Variants in CD177 observed in about 807,000 individuals in gnomAD.
The protein encoded by CD177 is CD177 antigen.
CD177 carries 41 observed loss-of-function variants against 38.1 expected under a neutral mutation model. The observed-to-expected ratio is 1.07, with a 90% CI of 0.84 to 1.39. CD177 has a LOEUF of 1.39. Ranked by LOEUF, CD177 falls within the 40% of genes most tolerant of loss-of-function variation. CD177 has a pLI of 0.00. For missense variants in CD177, 619 were observed against 523.8 expected (o/e 1.18, Z -1.77); for synonymous variants, 236 against 216.7 (o/e 1.09, Z -0.78).
chr19:43,364,445 A>G (rs1970012883), downstream of CD177, among the ~76,000 whole-genome samples: 1 of 152,120 alleles, frequency 6.6e-6, no homozygotes, highest in South Asian at 2.1e-4. Flanking sequence ...GTAGTTTTCC[A>G]TGGAACAGGG....
chr19:43,360,156 T>A, intron 5 of CD177, 109 bp from the exon 6 acceptor site: 1 of 1,305,842 alleles, frequency 7.7e-7, no homozygotes, highest in Non-Finnish European at 1.0e-6. Context: ...TGTGGCCAGG[T>A]CACCTGGAGT....
intron 3 of CD177, among the ~76,000 whole-genome samples, chr19:43,355,155 C>A (rs1156266039): frequency 7.4e-6 from 1 of 135,982 alleles, no homozygotes; most frequent in South Asian, 2.6e-4. Context: ...GCTGTGTCGA[C>A]CAGGCTGGAG....
rs1969939812 is a variant in CD177, at chr19:43,360,150, G to C, written c.620-115G>C. 4.0e-6 allele frequency: 5 copies of C among 1,242,244 alleles called. No individual in the cohort carries two copies. In the African/African-American group the frequency reaches 6.1e-5, roughly 15 times the overall value. The allele number at this position is 1,242,244 out of a possible 1,614,324, so 77.0% of individuals were successfully genotyped here. A position where few individuals can be genotyped will look rare whatever the true frequency, so the allele number is the denominator to read the frequency against. On this transcript the variant is annotated intron_variant, in intron 5 of 8. Coordinates refer to ENST00000618265, the MANE Select transcript of CD177 (RefSeq NM_020406.4). ...GAATCCTTGGTTAAGGGAATCTGTG[G>C]CCAGGTCACCTGGAGTGTGACTCAA...
At chr19:43,361,778 T>TG in intron 8 of CD177, among the ~76,000 whole-genome samples, 199 bp downstream of exon 8, 1 of 123,328 alleles carries the variant, frequency 8.1e-6, no homozygotes, top group Middle Eastern at 4.6e-3. Context: ...CCTGGGCTCC[T>TG]GGTCCCAGGG....
rs1227195099 is a variant in CD177 at position 43,361,518 on chromosome 19, C to T, written c.1020C>T (p.Pro340=). 23 of 1,592,506 alleles carry T rather than the reference C, an allele frequency of 1.4e-5. No individual in the cohort carries two copies. Among genetic ancestry groups the T allele is most frequent in the Non-Finnish European group, 1.9e-5 (22 of 1,165,180 alleles). ...TTGGAACCTGTTCAAGTGGCTCCCCCCGAATGACCTGCCCCAGGGGCGCCA... is the reference window on the plus strand; with the variant it reads ...TTGGAACCTGTTCAAGTGGCTCCCCTCGAATGACCTGCCCCAGGGGCGCCA... ...QPLGTCSSGS[P]RMTCPRGATH... is the part of the protein sequence containing the mutation. Residue 340 remains proline, a synonymous_variant, in exon 8 of 9, where the codon CCC becomes CCT. Transcript: ENST00000618265.
downstream of CD177, among the ~76,000 whole-genome samples, chr19:43,363,914 C>T (rs60671408): frequency 0.17 from 25,342 of 151,962 alleles, 2,371 homozygotes; most frequent in South Asian, 0.25. Context: ...ATAGTGAAAC[C>T]GCTTCTCTAC....
At chr19:43,354,565 C>A in intron 3 of CD177, 173 bp downstream of exon 3, 1 of 676,908 alleles carries the variant, frequency 1.5e-6, no homozygotes. Flanking sequence ...CCCTTTCCAT[C>A]CCTCCCCACT....
intron 2 of CD177, 84 bp downstream of exon 2, chr19:43,354,077 C>A: frequency 1.3e-6 from 2 of 1,572,726 alleles, no homozygotes; most frequent in Non-Finnish European, 1.7e-6. Flanking sequence ...GCCACCCCTC[C>A]GGGGGATCGA....
rs753803516 is a variant in CD177 at position 43,354,281 on chromosome 19, C to A, written c.268C>A (p.Arg90=). 1.2e-6 allele frequency: 2 copies of A among 1,613,828 alleles called. No individual in the cohort carries two copies. Among genetic ancestry groups the A allele is most frequent in the African/African-American group, 2.7e-5 (2 of 74,874 alleles). ...CCAGGAGCCCCGCGTCACTGAGCACCGGATGGGCCCCGGCCTCTCCCTGAT... is the reference window on the plus strand; with the variant it reads ...CCAGGAGCCCCGCGTCACTGAGCACAGGATGGGCCCCGGCCTCTCCCTGAT... The part of the protein sequence containing the change: ...KDQEPRVTEH[R]MGPGLSLISY... Residue 90 remains arginine, a synonymous_variant, in exon 3 of 9, where the codon CGG becomes AGG. Coordinates refer to ENST00000618265, the MANE Select transcript of CD177 (RefSeq NM_020406.4).
chr19:43,360,188 C>T (rs1969940218), intron 5 of CD177, 77 bp from the exon 6 acceptor site: 1 of 1,524,880 alleles, frequency 6.6e-7, no homozygotes, highest in African/African-American at 1.4e-5. Context: ...GTGTGATCAC[C>T]TTCCCTAGCC....
At position 43,353,982 on chromosome 19, in the gene CD177, T is replaced by A. The variant is rs764874527; in HGVS notation, c.182T>A (p.Leu61His). The A allele has an allele frequency of 6.2e-7, 1 of 1,613,722 alleles. No homozygotes were observed. The highest frequency in any genetic ancestry group is 8.5e-7 in the Non-Finnish European group (1 of 1,179,788). Residue 61 changes from leucine (L) to histidine (H), a missense_variant, in exon 2 of 9, where the codon CTC becomes CAC. Physicochemically the swap from Leu to His is moderately conservative, Grantham distance 99 (BLOSUM62 -3). Coordinates refer to ENST00000618265, the MANE Select transcript of CD177 (RefSeq NM_020406.4). ...SGLGCQDTLM[L>H]IESGPQVSLV... Reference sequence around the variant, plus strand: ...TTGGGGTGCCAGGACACGTTGATGCTCATTGAGAGCGGTGAGAAGGCCCTG... The same window carrying A: ...TTGGGGTGCCAGGACACGTTGATGCACATTGAGAGCGGTGAGAAGGCCCTG...
In CD177 at chr19:43,354,236, G is replaced by T. The variant is rs1254956476; in HGVS notation, c.223G>T (p.Gly75Cys). The change falls in exon 3 of 9, where the codon GGC becomes TGC. Residue 75 changes from glycine to cysteine, a missense_variant. Physicochemically the swap from Gly to Cys is radical, Grantham distance 159. Transcript: ENST00000618265. Reference protein sequence around the residue: ...GPQVSLVLSKGCTEAKDQEPR... With the variant: ...GPQVSLVLSKCCTEAKDQEPR... ...CCAAGTGAGCCTGGTGCTCTCCAAG[G>T]GCTGCACGGAGGCCAAGGACCAGGA... The T allele has an allele frequency of 6.2e-7, 1 of 1,613,492 alleles. No individual in the cohort carries two copies. The highest frequency in any genetic ancestry group is 8.5e-7 in the Non-Finnish European group (1 of 1,179,768).
chr19:43,360,311 C>G lies in CD177; in HGVS notation c.666C>G (p.Asn222Lys). ...HRGTTIMTHG[N>K]LAQEPTDWTT... ...GGACCACCATTATGACACACGGAAA[C>G]TTGGCTCAAGAACCCACTGATTGGA... The change falls in exon 6 of 9, where the codon AAC becomes AAG. Residue 222 changes from asparagine to lysine, a missense_variant. Physicochemically the swap from Asn to Lys is moderately conservative, Grantham distance 94. Transcript: ENST00000618265. The G allele has an allele frequency of 6.2e-7, 1 of 1,613,256 alleles. No homozygotes were observed. The highest frequency in any genetic ancestry group is 1.1e-5 in the South Asian group (1 of 90,770).
At position 43,353,881 on chromosome 19, in the gene CD177, G is replaced by C. The variant is rs748352348; in HGVS notation, c.81G>C (p.Gly27=). The C allele has an allele frequency of 6.2e-7, 1 of 1,613,840 alleles. No individual in the cohort carries two copies. The highest frequency in any genetic ancestry group is 8.5e-7 in the Non-Finnish European group (1 of 1,179,848). ...PGVQALLCQF[G]TVQHVWKVSD... ...TGCAGGCGCTGCTCTGCCAGTTTGG[G>C]ACAGTTCAGCATGTGTGGAAGGTGT... The change falls in exon 2 of 9, where the codon GGG becomes GGC. Residue 27 remains glycine, a synonymous_variant. Transcript: ENST00000618265.
intron 2 of CD177, 57 bp from the exon 3 acceptor site, chr19:43,354,150 C>T: frequency 6.3e-7 from 1 of 1,582,046 alleles, no homozygotes; most frequent in Non-Finnish European, 8.6e-7. Context: ...CAGCGTCTCC[C>T]TCCAGGACCC....
At position 43,361,177 on chromosome 19, in the gene CD177, C is replaced by A. The variant is rs1969957134; in HGVS notation, c.795C>A (p.Cys265Ter). Residue 265 changes from cysteine (C) to a stop codon, truncating the protein, a stop_gained, in exon 7 of 9, where the codon TGC (cysteine) becomes TGA (stop). Transcript: ENST00000618265. LOFTEE classifies it high-confidence loss of function. Reference protein sequence around the residue: ...LTSTLVGTKGCSTVGAQNSQK... With the variant: ...LTSTLVGTKG ...CAACCCTGGTGGGGACAAAAGGCTG[C>A]AGCACTGTTGGGGCTCAAAATTCCC... 12 of 1,549,538 alleles carry A rather than the reference C, an allele frequency of 7.7e-6. 2 individuals are homozygous for A. Among genetic ancestry groups the A allele is most frequent in the Non-Finnish European group, 9.8e-6 (11 of 1,123,954 alleles).
rs752085844 is a variant in CD177 at position 43,353,930 on chromosome 19, C to T, written c.130C>T (p.Pro44Ser). 2 of 1,613,760 alleles carry T rather than the reference C, an allele frequency of 1.2e-6. No individual in the cohort carries two copies. The highest frequency in any genetic ancestry group is 8.5e-7 in the Non-Finnish European group (1 of 1,179,852). The stretch of plus-strand genomic sequence containing the variant: ...GTCCGACCTGCCCCGGCAATGGACC[C>T]CTAAGAACACCAGCTGCGACAGCGG... The part of the protein sequence containing the change: ...KVSDLPRQWT[P>S]KNTSCDSGLG... The change falls in exon 2 of 9, where the codon CCT becomes TCT. Residue 44 changes from proline (P) to serine (S), a missense_variant. By Grantham distance (74) the Pro-to-Ser change is moderately conservative. Coordinates refer to ENST00000618265, the MANE Select transcript of CD177 (RefSeq NM_020406.4).
intron 2 of CD177, 58 bp downstream of exon 2, chr19:43,354,051 G>C: frequency 6.3e-6 from 10 of 1,585,334 alleles, no homozygotes; most frequent in Non-Finnish European, 6.0e-6. Context: ...CTTGATCCCT[G>C]TGCAGGGACC....
At chr19:43,361,969 G>A in intron 8 of CD177, 119 bp from the exon 9 acceptor site, 2 of 805,866 alleles carry the variant, frequency 2.5e-6, no homozygotes, top group Non-Finnish European at 4.0e-6. Flanking sequence ...CTGAGGAGCT[G>A]GAGCTGGGGG....
Sources: allele counts gnomAD v4.1 joint callset (sites outside exome capture counted in the v4.1 genomes callset), GRCh38; gene constraint gnomAD v4.1.1; transcripts MANE v1.5; gene names NCBI Gene and HGNC (gene_info 2026-07-23, HGNC 2026-07-21).